The following CAMTA1 variants were observed in gnomAD, a reference collection of about 807,000 sequenced individuals.
CAMTA1 encodes calmodulin binding transcription activator 1, also known as calmodulin-binding transcription activator 1.
CAMTA1 carries 27 observed loss-of-function variants against 170.9 expected under a neutral mutation model. The observed-to-expected ratio is 0.16, with a 90% CI of 0.12 to 0.22. The LOEUF is 0.22. CAMTA1 is among the 10% of genes least tolerant of loss of function. CAMTA1 has a pLI of 1.00. For synonymous variants in CAMTA1, 833 were observed against 891.5 expected, an observed-to-expected ratio of 0.93 and a Z score of 1.17; for missense variants, 1,619 against 2,217.2, an observed-to-expected ratio of 0.73 and a Z score of 5.42.
At chr1:7,125,951 G>T (rs1000184892) in intron 4 of CAMTA1, among the ~76,000 whole-genome samples, 2 of 152,152 alleles carry the variant, frequency 1.3e-5, no homozygotes, top group African/African-American at 2.4e-5. Context: ...TAAAGAAAAA[G>T]AGGTTTGAGG....
chr1:7,270,982 G>T (rs1317405529), intron 5 of CAMTA1, among the ~76,000 whole-genome samples: 2 of 152,194 alleles, frequency 1.3e-5, no homozygotes, highest in Non-Finnish European at 2.9e-5. Flanking sequence ...TTATATGCAA[G>T]AAGTTAGAAA....
intron 6 of CAMTA1, among the ~76,000 whole-genome samples, chr1:7,563,908 C>T (rs767167007): frequency 6.6e-6 from 1 of 151,988 alleles, no homozygotes; most frequent in Non-Finnish European, 1.5e-5. Flanking sequence ...GCAGAACCTG[C>T]AGAATATTCC....
chr1:7,516,291 A>G (rs935900636), intron 6 of CAMTA1, among the ~76,000 whole-genome samples: 1 of 152,250 alleles, frequency 6.6e-6, no homozygotes, highest in Non-Finnish European at 1.5e-5. Context: ...GATGATCATG[A>G]CATTTTAATG....
chr1:7,049,410 G>A (rs1705937578), intron 3 of CAMTA1, among the ~76,000 whole-genome samples: 1 of 152,156 alleles, frequency 6.6e-6, no homozygotes, highest in African/African-American at 2.4e-5. Context: ...GCATATTGTT[G>A]CATTCCATCT....
intron 4 of CAMTA1, among the ~76,000 whole-genome samples, chr1:7,221,220 A>C (rs1660700998): frequency 6.7e-6 from 1 of 148,468 alleles, no homozygotes; most frequent in Admixed American, 6.6e-5. Flanking sequence ...CCAGAGCCTT[A>C]TTCTTTTTTT....
chr1:7,500,011 GCACATTT>G (rs2093958523), intron 6 of CAMTA1, among the ~76,000 whole-genome samples: 1 of 136,152 alleles, frequency 7.3e-6, no homozygotes, highest in African/African-American at 2.8e-5. Context: ...GTGCATATGT[GCACATTT>G]ACTGTGTAGA....
At chr1:7,221,627 C>T (rs769424110) in intron 4 of CAMTA1, among the ~76,000 whole-genome samples, 25 of 152,154 alleles carry the variant, frequency 1.6e-4, no homozygotes, top group Admixed American at 1.2e-3. Context: ...GGGTGGGGAA[C>T]GCTGGGGTCT....
intron 6 of CAMTA1, among the ~76,000 whole-genome samples, chr1:7,546,818 G>C (rs2094700031): frequency 6.6e-6 from 1 of 151,782 alleles, no homozygotes; most frequent in Non-Finnish European, 1.5e-5. Context: ...AAAAGTGTCT[G>C]TTGATGCAGG....
rs895833803 is a variant in CAMTA1 at position 7,642,026 on chromosome 1, G to T, written c.664+1473G>T. ...TAGTCCCCACTCCCCAGAGCCTGCT[G>T]CCTCTCCACCTGCCCCTCTCCCTGG... On this transcript the variant is annotated intron_variant, in intron 7 of 22. Transcript: ENST00000303635. The surrounding 1 kb of genome is among the most constrained non-coding windows in gnomAD (Gnocchi z 6.3). Among the ~76,000 whole-genome samples the T allele has an allele frequency of 1.3e-5, 2 of 150,130 alleles. No homozygotes were observed. Among genetic ancestry groups the T allele is most frequent in the Non-Finnish European group, 2.9e-5 (2 of 67,832 alleles).
chr1:7,664,735 G>A lies in CAMTA1; in HGVS notation c.2188G>A (p.Ala730Thr), dbSNP rs1190063380. ...GGAGACCAACGGGGTAATCCGAAGC[G>A]CCGGCGGCGTCCCCATCCTCCCGGG... Reference protein sequence around the residue: ...QPETNGVIRSAGGVPILPGNV... With the variant: ...QPETNGVIRSTGGVPILPGNV... Residue 730 changes from alanine (A) to threonine (T), a missense_variant, in exon 9 of 23, where the codon GCC (alanine) becomes ACC (threonine). Ala to Thr is a moderately conservative substitution (Grantham distance 58). Transcript: ENST00000303635. The A allele has an allele frequency of 9.9e-6, 16 of 1,608,176 alleles. No homozygotes were observed. In the East Asian group the frequency reaches 1.6e-4, roughly 16 times the overall value.
At position 7,738,210 on chromosome 1, in the gene CAMTA1, A is replaced by G; in HGVS notation, c.3910A>G (p.Thr1304Ala). The G allele has an allele frequency of 1.9e-6, 3 of 1,613,560 alleles. No individual in the cohort carries two copies. Among genetic ancestry groups the G allele is most frequent in the Non-Finnish European group, 2.5e-6 (3 of 1,179,958 alleles). Residue 1304 changes from threonine (T) to alanine (A), a missense_variant, in exon 16 of 23, where the codon ACT becomes GCT. Thr to Ala is a moderately conservative substitution (Grantham distance 58). Around this residue, in one of 8 missense-constraint regions of CAMTA1, gnomAD observed 370 missense variants for 429.4 expected, o/e 0.86. Transcript: ENST00000303635. This position sits in a 1 kb window ranked among gnomAD's most constrained non-coding sequence, Gnocchi z 4.9. ...CTTCAGCCGGGAACTCTCCCCTCCC[A>G]CTCCAGAGACTGCAGCATTTCAAGC... Reference protein sequence around the residue: ...RDFSRELSPPTPETAAFQASG... With the variant: ...RDFSRELSPPAPETAAFQASG...
chr1:7,725,886 T>C (rs1031890286), intron 11 of CAMTA1, among the ~76,000 whole-genome samples: 3 of 152,084 alleles, frequency 2.0e-5, no homozygotes, highest in African/African-American at 7.2e-5. Context: ...GCACACAGCC[T>C]CCAGCCAGGA....
intron 4 of CAMTA1, among the ~76,000 whole-genome samples, chr1:7,187,317 G>A (rs772477894): frequency 2.0e-5 from 3 of 152,108 alleles, no homozygotes; most frequent in Non-Finnish European, 2.9e-5. Flanking sequence ...CATACTCACT[G>A]GGAAGGATTG....
chr1:6,854,764 T>G (rs1661677681), intron 3 of CAMTA1, among the ~76,000 whole-genome samples: 1 of 152,212 alleles, frequency 6.6e-6, no homozygotes, highest in Non-Finnish European at 1.5e-5. Flanking sequence ...AGAAAAATCA[T>G]GTGATAATGT....
chr1:6,832,219 G>A (rs996062072), intron 3 of CAMTA1, among the ~76,000 whole-genome samples: 2 of 152,016 alleles, frequency 1.3e-5, no homozygotes, highest in Admixed American at 6.5e-5. Context: ...AAGTAGCTGG[G>A]ATTATAGGTG....
chr1:7,704,641 C>T (rs1422666752), intron 11 of CAMTA1, among the ~76,000 whole-genome samples: 3 of 148,846 alleles, frequency 2.0e-5, no homozygotes, highest in Non-Finnish European at 3.0e-5. Flanking sequence ...TTGGACCACG[C>T]GGCCTGGGGG....
intron 3 of CAMTA1, among the ~76,000 whole-genome samples, chr1:6,858,494 G>GGC (rs1557709951): frequency 1.4e-5 from 2 of 144,718 alleles, no homozygotes; most frequent in South Asian, 4.5e-4. Flanking sequence ...GTTGGGGGGG[G>GGC]GGTGTTGTGA....
chr1:7,725,542 A>G (rs943738122), intron 11 of CAMTA1, among the ~76,000 whole-genome samples: 1 of 152,208 alleles, frequency 6.6e-6, no homozygotes, highest in Non-Finnish European at 1.5e-5. Flanking sequence ...TCACATACCC[A>G]TGCTGGGTAG....
chr1:7,515,470 C>G (rs900289833), intron 6 of CAMTA1, among the ~76,000 whole-genome samples: 1 of 152,200 alleles, frequency 6.6e-6, no homozygotes, highest in Non-Finnish European at 1.5e-5. Context: ...TATGTAAGTA[C>G]TTAGCTCACA....
Sources: allele counts gnomAD v4.1 joint callset (sites outside exome capture counted in the v4.1 genomes callset), GRCh38; gene constraint gnomAD v4.1.1; regional missense constraint gnomAD v4.1.1; non-coding constraint Gnocchi (gnomAD v3.1); transcripts MANE v1.5; gene names NCBI Gene and HGNC (gene_info 2026-07-23, HGNC 2026-07-21).